The following TPR variants were observed in gnomAD, a reference collection of about 807,000 sequenced individuals.
TPR encodes translocated promoter region, nuclear basket protein, also known as nucleoprotein TPR.
TPR carries 51 observed loss-of-function variants against 316.1 expected under a neutral mutation model. The ratio of observed to expected loss-of-function variants is 0.16; its 90% CI spans 0.13 to 0.20. The LOEUF (loss-of-function observed/expected upper bound fraction) is 0.20, where lower values mean the gene tolerates loss of function less well. Ranked by LOEUF, TPR falls within the 10% of genes least tolerant of loss-of-function variation. The pLI, the probability that TPR is intolerant of heterozygous loss-of-function variation, is 1.00. For synonymous variants in TPR, 981 were observed against 914.7 expected, an observed-to-expected ratio of 1.07 and a Z score of -1.31; for missense variants, 2,272 against 2,754.8, an observed-to-expected ratio of 0.82 and a Z score of 3.92.
rs975188381 is a variant in TPR, at chr1:186,334,540, G to A, written c.4974-7C>T. On this transcript the variant is annotated splice_polypyrimidine_tract_variant and splice_region_variant and intron_variant, in intron 35 of 50. Coordinates refer to ENST00000367478, the MANE Select transcript of TPR (RefSeq NM_003292.3). ...TGGGTCTGATGTGCTGGCACTTATA[G>A]AGGAGAAAATGGAAGAATAATTAAT... 1.2e-6 allele frequency: 2 copies of A among 1,608,368 alleles called. No homozygotes were observed. The highest frequency in any genetic ancestry group is 1.1e-5 in the South Asian group (1 of 90,880).
Position 186,314,709 on chromosome 1 carries a change from T to C in TPR, c.6956A>G (p.Gln2319Arg). ...SSSSVDTSSS[Q>R]PKPFRRVRLQ... ...TCTTACTCGTCTGAAAGGCTTTGGT[T>C]GACTACTACTAGTATCTAAGAAAAA... The change falls in exon 50 of 51, where the codon CAA (glutamine) becomes CGA (arginine). Residue 2319 changes from glutamine (Q) to arginine (R), a missense_variant. Physicochemically the swap from Gln to Arg is conservative, Grantham distance 43 (BLOSUM62 1). This residue lies in a region of TPR where 123 missense variants were observed against 142.3 expected (regional missense o/e 0.86). Coordinates refer to ENST00000367478, the MANE Select transcript of TPR (RefSeq NM_003292.3). The C allele has an allele frequency of 6.2e-7, 1 of 1,611,664 alleles. No individual in the cohort carries two copies. Among genetic ancestry groups the C allele is most frequent in the Non-Finnish European group, 8.5e-7 (1 of 1,178,628 alleles).
rs957804936 is a variant in TPR, at chr1:186,352,018, T to C, written c.2427A>G (p.Gln809=). 1 of 1,608,408 alleles carries C rather than the reference T, an allele frequency of 6.2e-7. No individual in the cohort carries two copies. The highest frequency in any genetic ancestry group is 1.7e-5 in the Admixed American group (1 of 58,996). The part of the protein sequence containing the change: ...SQQRESLLAE[Q]RGQNLLLTNL... Reference sequence around the variant, plus strand: ...TAGTTAGCAGTAAGTTTTGCCCCCTTTGTTCAGCTAACAAAGACTCTCTTT... The same window carrying C: ...TAGTTAGCAGTAAGTTTTGCCCCCTCTGTTCAGCTAACAAAGACTCTCTTT... The change falls in exon 19 of 51, where the codon CAA becomes CAG. Residue 809 remains glutamine (Q), a synonymous_variant. Transcript: ENST00000367478.
intron 24 of TPR, among the ~76,000 whole-genome samples, chr1:186,345,186 C>T (rs549781147): frequency 4.0e-5 from 6 of 151,004 alleles, no homozygotes; most frequent in South Asian, 2.1e-4. Flanking sequence ...TAGATATCTG[C>T]GCAAACTTGG....
At chr1:186,334,297 C>A (rs370960498) in intron 36 of TPR, 28 bp downstream of exon 36, 26 of 1,554,652 alleles carry the variant, frequency 1.7e-5, no homozygotes, top group Non-Finnish European at 2.2e-5. Context: ...AATAAGCAGT[C>A]TCATCAGATC....
rs1264406227 is a variant in TPR at position 186,375,166 on chromosome 1, G to A, written c.-138C>T. 1.3e-6 allele frequency: 2 copies of A among 1,542,032 alleles called. No homozygotes were observed. Among genetic ancestry groups the A allele is most frequent in the East Asian group, 2.5e-5 (1 of 40,684 alleles). On this transcript the variant is annotated 5_prime_UTR_variant, in exon 1 of 51. Transcript: ENST00000367478. ...GGTGGCTCGCGCGCGCCCGCCCGCC[G>A]GAGACTCCCGCGGCGGGACCCTGGG... is the stretch of plus-strand genomic sequence containing the variant.
In TPR at chr1:186,334,487, C is replaced by G. The variant is rs2102066684; in HGVS notation, c.5020G>C (p.Val1674Leu). 1 of 1,613,694 alleles carries G rather than the reference C, an allele frequency of 6.2e-7. No individual in the cohort carries two copies. Among genetic ancestry groups the G allele is most frequent in the Non-Finnish European group, 8.5e-7 (1 of 1,179,730 alleles). ...PPTANIKPTP[V>L]VSTPSKVTAA... Reference sequence around the variant, plus strand: ...GTCACTTTACTTGGAGTAGACACAACAGGAGTTGGCTTGATATTGGCTGTT... The same window carrying G: ...GTCACTTTACTTGGAGTAGACACAAGAGGAGTTGGCTTGATATTGGCTGTT... Residue 1674 changes from valine (V) to leucine (L), a missense_variant, in exon 36 of 51, where the codon GTT becomes CTT. Physicochemically the swap from Val to Leu is conservative, Grantham distance 32. Transcript: ENST00000367478.
intron 7 of TPR, 138 bp downstream of exon 7, chr1:186,362,150 G>T: frequency 2.9e-6 from 2 of 682,476 alleles, no homozygotes; most frequent in Non-Finnish European, 4.8e-6. Context: ...TTTTAGCCTA[G>T]CTACAGCATA....
At chr1:186,340,922 A>T in intron 29 of TPR, 106 bp downstream of exon 29, 1 of 1,381,544 alleles carries the variant, frequency 7.2e-7, no homozygotes, top group Middle Eastern at 1.9e-4. Context: ...TCACTAATAA[A>T]CACAGTAATT....
chr1:186,324,691 A>G (rs942492667), intron 42 of TPR, among the ~76,000 whole-genome samples: 5 of 152,324 alleles, frequency 3.3e-5, no homozygotes, highest in African/African-American at 9.6e-5. Flanking sequence ...GAATTAAACA[A>G]TTCAATACAA....
In TPR at chr1:186,346,147, G is replaced by A. The variant is rs371820864; in HGVS notation, c.3084C>T (p.Ser1028=). The part of the protein sequence containing the change: ...LQDDKRRAIE[S]MEQQLSELKK... The stretch of plus-strand genomic sequence containing the variant: ...TTAACCTATTTACCTGTTGTTCCAT[G>A]CTCTCTATGGCTCTTCTTTTATCAT... Residue 1028 remains serine, a synonymous_variant, in exon 23 of 51, where the codon AGC becomes AGT. Coordinates refer to ENST00000367478, the MANE Select transcript of TPR (RefSeq NM_003292.3). The A allele has an allele frequency of 6.8e-6, 11 of 1,605,860 alleles. No homozygotes were observed. Among genetic ancestry groups the A allele is most frequent in the South Asian group, 2.2e-5 (2 of 89,280 alleles).
intron 12 of TPR, 35 bp from the exon 13 acceptor site, chr1:186,358,685 T>C (rs1399928838): frequency 6.4e-7 from 1 of 1,571,512 alleles, no homozygotes; most frequent in East Asian, 2.2e-5. Flanking sequence ...AATTTTGTAC[T>C]TCCTTCTAGG....
rs1657299905 is a variant in TPR, at chr1:186,312,159, TTCTAATACA to T, written c.*1803_*1811del. ...ATTAATTTTCATTTTCCATGTGATA[TTCTAATACA>T]TAACAGGTGGCAGCATTCAGCAGTA... is the stretch of plus-strand genomic sequence containing the variant. On this transcript the variant is annotated 3_prime_UTR_variant, in exon 51 of 51. Coordinates refer to ENST00000367478, the MANE Select transcript of TPR (RefSeq NM_003292.3). 1 of 1,610,002 alleles carries T rather than the reference TTCTAATACA, an allele frequency of 6.2e-7. No individual in the cohort carries two copies. The highest frequency in any genetic ancestry group is 8.5e-7 in the Non-Finnish European group (1 of 1,176,378).
At chr1:186,337,947 G>T (rs1468909240) in intron 31 of TPR, 86 bp downstream of exon 31, 7 of 1,102,230 alleles carry the variant, frequency 6.4e-6, no homozygotes, top group South Asian at 1.7e-5. Context: ...GTATCTAAAA[G>T]CTAGTAATAT....
chr1:186,339,737 T>C lies in TPR; in HGVS notation c.4056A>G (p.Glu1352=). The C allele has an allele frequency of 6.2e-7, 1 of 1,605,964 alleles. No individual in the cohort carries two copies. The highest frequency in any genetic ancestry group is 8.5e-7 in the Non-Finnish European group (1 of 1,176,358). The part of the protein sequence containing the change: ...LVSQQKDPDT[E]EYRKLLSEKE... ...TTTCAGAAAGGAGCTTCCGATATTC[T>C]TCTGTATCTGGATCTTTCTGTTGAC... The change falls in exon 30 of 51, where the codon GAA becomes GAG. Residue 1352 remains glutamate, a synonymous_variant. Transcript: ENST00000367478.
rs931630337 is a variant in TPR at position 186,355,395 on chromosome 1, CAAAA to C, written c.2171+11_2171+14del. On this transcript the variant is annotated intron_variant, in intron 17 of 50. Coordinates refer to ENST00000367478, the MANE Select transcript of TPR (RefSeq NM_003292.3). ...ACATTTAGACTTAATTAATTTGAAACAAAAGAAAACTTACCGTTTAGAAGCAAAA... is the reference window on the plus strand; with the variant it reads ...ACATTTAGACTTAATTAATTTGAAACGAAAACTTACCGTTTAGAAGCAAAA... 5.3e-5 allele frequency: 84 copies of C among 1,598,314 alleles called. No homozygotes were observed. Among genetic ancestry groups the C allele is most frequent in the Non-Finnish European group, 6.7e-5 (79 of 1,175,812 alleles).
intron 46 of TPR, among the ~76,000 whole-genome samples, chr1:186,319,434 T>C (rs1657709158): frequency 6.6e-6 from 1 of 151,324 alleles, no homozygotes; most frequent in Non-Finnish European, 1.5e-5. Flanking sequence ...ACAAAGTAAT[T>C]AACAAAGTAA....
At chr1:186,333,758 G>C (rs1367320422) in intron 36 of TPR, among the ~76,000 whole-genome samples, 1 of 152,082 alleles carries the variant, frequency 6.6e-6, no homozygotes, top group East Asian at 1.9e-4. Context: ...AATATATTTA[G>C]TTTATTGGAT....
chr1:186,361,405 A>G (rs1413922503), intron 9 of TPR, among the ~76,000 whole-genome samples: 4 of 152,072 alleles, frequency 2.6e-5, no homozygotes, highest in Non-Finnish European at 2.9e-5. Context: ...TAAAAAACAA[A>G]CAAAACCCCC....
intron 30 of TPR, among the ~76,000 whole-genome samples, chr1:186,339,219 C>T (rs747376050): frequency 4.0e-5 from 6 of 151,894 alleles, no homozygotes; most frequent in Non-Finnish European, 7.4e-5. Flanking sequence ...AGCTTGAGCC[C>T]AGGAGTTTGA....
Sources: allele counts gnomAD v4.1 joint callset (sites outside exome capture counted in the v4.1 genomes callset), GRCh38; gene constraint gnomAD v4.1.1; regional missense constraint gnomAD v4.1.1; transcripts MANE v1.5; gene names NCBI Gene and HGNC (gene_info 2026-07-23, HGNC 2026-07-21).